NKTR: variants seen among roughly 807,000 people sequenced by gnomAD.
NKTR encodes natural killer cell triggering receptor, also known as NK-tumor recognition protein.
In NKTR, 67 loss-of-function variants were observed where a neutral mutation model predicts 156.3. That is an observed-to-expected ratio of 0.43 (90% CI 0.35 to 0.53). The LOEUF is 0.53. NKTR is among the 20% of genes least tolerant of loss of function. The pLI is 0.01. For missense variants in NKTR, 1,604 were observed against 1,730.9 expected (o/e 0.93, Z 1.30); for synonymous variants, 640 against 596.6 (o/e 1.07, Z -1.06).
At chr3:42,635,117 C>T (rs1709272215) in intron 11 of NKTR, 104 bp from the exon 12 acceptor site, 2 of 764,650 alleles carry the variant, frequency 2.6e-6, no homozygotes, top group Admixed American at 3.0e-5. Context: ...CAATCATTAC[C>T]TTTGATGGGA....
Position 42,645,878 on chromosome 3 carries a change from G to A in NKTR, c.4302-10G>A. The A allele has an allele frequency of 6.3e-7, 1 of 1,584,890 alleles. No homozygotes were observed. Among genetic ancestry groups the A allele is most frequent in the Non-Finnish European group, 8.6e-7 (1 of 1,160,090 alleles). ...ACAAGATTTTTATATATTTTGTTTT[G>A]TTATTACAGGAGTTGTAGATCTTAT... On this transcript the variant is annotated splice_polypyrimidine_tract_variant and intron_variant, in intron 16 of 16. Transcript: ENST00000232978.
In NKTR at chr3:42,637,841, G is replaced by T; in HGVS notation, c.2137G>T (p.Ala713Ser). The change falls in exon 13 of 17, where the codon GCT (alanine) becomes TCT (serine). Residue 713 changes from alanine (A) to serine (S), a missense_variant. Ala to Ser is a moderately conservative substitution (Grantham distance 99). Around this residue, in one of 6 missense-constraint regions of NKTR, gnomAD observed 1,255 missense variants for 1,243.7 expected, o/e 1.01. Coordinates refer to ENST00000232978, the MANE Select transcript of NKTR (RefSeq NM_005385.4). ...SRSYTRSRSL[A>S]SSHSRSRSPS... Reference sequence around the variant, plus strand: ...ATCATATACAAGATCACGTAGTCTAGCTAGTTCACATTCAAGGTCTAGGTC... The same window carrying T: ...ATCATATACAAGATCACGTAGTCTATCTAGTTCACATTCAAGGTCTAGGTC... The T allele has an allele frequency of 6.2e-7, 1 of 1,613,902 alleles. No homozygotes were observed. The highest frequency in any genetic ancestry group is 8.5e-7 in the Non-Finnish European group (1 of 1,179,870).
intron 2 of NKTR, among the ~76,000 whole-genome samples, chr3:42,608,310 G>C (rs1332906084): frequency 6.6e-6 from 1 of 152,052 alleles, no homozygotes; most frequent in African/African-American, 2.4e-5. Flanking sequence ...CTGTAAATTA[G>C]GGATTCCTAC....
intron 6 of NKTR, among the ~76,000 whole-genome samples, chr3:42,623,133 G>C (rs1407592896): frequency 1.3e-5 from 2 of 151,566 alleles, no homozygotes; most frequent in African/African-American, 2.4e-5. Flanking sequence ...ACTTGCTTCA[G>C]TGTTTTCTAG....
intron 15 of NKTR, 148 bp downstream of exon 15, chr3:42,643,543 G>A (rs1049704641): frequency 1.2e-5 from 8 of 682,730 alleles, no homozygotes; most frequent in South Asian, 3.7e-5. Context: ...AGGTCTGTTC[G>A]ACAAGTTTTA....
Position 42,643,889 on chromosome 3 carries a change from G to C in NKTR, c.4200-13G>C. The stretch of plus-strand genomic sequence containing the variant: ...GTGGGAAAATTTAGTGTTTGTTGTT[G>C]CCGTTAAAGCAGGTCCTACACCTAC... On this transcript the variant is annotated splice_polypyrimidine_tract_variant and intron_variant, in intron 15 of 16. Transcript: ENST00000232978. The C allele has an allele frequency of 1.3e-6, 2 of 1,594,854 alleles. No homozygotes were observed. Among genetic ancestry groups the C allele is most frequent in the South Asian group, 2.2e-5 (2 of 90,292 alleles).
intron 6 of NKTR, chr3:42,627,662 A>T: frequency 1.0e-6 from 1 of 984,440 alleles, no homozygotes; most frequent in Non-Finnish European, 1.2e-6. Context: ...GGGTCGGGAA[A>T]ACTGAAAAAT....
At chr3:42,606,493 C>T (rs1221117228) in intron 2 of NKTR, among the ~76,000 whole-genome samples, 1 of 151,800 alleles carries the variant, frequency 6.6e-6, no homozygotes, top group Non-Finnish European at 1.5e-5. Flanking sequence ...TGATTTTGGT[C>T]CCTTTTGTTC....
chr3:42,617,635 T>C lies in NKTR; in HGVS notation c.124T>C (p.Leu42=). ...CPKTCKNFLC[L]CSGEKGLGKT... ...AAAAACATGCAAAAACTTCCTTTGC[T>C]TGTGCTCAGGTAAGTGAATTATTAT... The change falls in exon 3 of 17, where the codon TTG becomes CTG. Residue 42 remains leucine (L), a synonymous_variant. Coordinates refer to ENST00000232978, the MANE Select transcript of NKTR (RefSeq NM_005385.4). The C allele has an allele frequency of 6.4e-7, 1 of 1,573,474 alleles. No individual in the cohort carries two copies. The highest frequency in any genetic ancestry group is 8.7e-7 in the Non-Finnish European group (1 of 1,143,244).
rs925608095 is a variant in NKTR, at chr3:42,638,918, A to C, written c.3214A>C (p.Thr1072Pro). 2 of 1,612,832 alleles carry C rather than the reference A, an allele frequency of 1.2e-6. No individual in the cohort carries two copies. The highest frequency in any genetic ancestry group is 1.7e-6 in the Non-Finnish European group (2 of 1,178,868). The change falls in exon 13 of 17, where the codon ACA becomes CCA. Residue 1072 changes from threonine (T) to proline (P), a missense_variant. Thr to Pro is a conservative substitution (Grantham distance 38). Around this residue, in one of 6 missense-constraint regions of NKTR, gnomAD observed 1,255 missense variants for 1,243.7 expected, o/e 1.01. Transcript: ENST00000232978. ...AGAGGACCTTTCAGGTAAACATGATACAGTGACTGTTTCATCAGATCTTGA... is the reference window on the plus strand; with the variant it reads ...AGAGGACCTTTCAGGTAAACATGATCCAGTGACTGTTTCATCAGATCTTGA... ...SEEDLSGKHD[T>P]VTVSSDLDQF...
intron 2 of NKTR, among the ~76,000 whole-genome samples, chr3:42,605,242 TA>T (rs1246535181): frequency 2.0e-5 from 3 of 152,232 alleles, no homozygotes; most frequent in Non-Finnish European, 4.4e-5. Flanking sequence ...TTCTGTATAA[TA>T]TTTAAAGTGG....
At chr3:42,606,885 GA>G (rs1259551108) in intron 2 of NKTR, among the ~76,000 whole-genome samples, 10 of 151,738 alleles carry the variant, frequency 6.6e-5, no homozygotes, top group Non-Finnish European at 1.5e-4. Context: ...TTTAGAGACA[GA>G]GTATCACTGC....
At chr3:42,603,725 T>G (rs1406510777) in intron 2 of NKTR, among the ~76,000 whole-genome samples, 2 of 150,092 alleles carry the variant, frequency 1.3e-5, no homozygotes, top group Non-Finnish European at 2.9e-5. Context: ...TAGTGGATTT[T>G]ACACAACTTT....
intron 2 of NKTR, among the ~76,000 whole-genome samples, chr3:42,607,969 CTTTTTTTTTTTTTTTTTTTTT>C (rs201803926): frequency 9.7e-4 from 73 of 74,898 alleles, no homozygotes; most frequent in African/African-American, 1.6e-3. Flanking sequence ...CTGAGTCGCT[CTTTTTTTTTTTTTTTTTTTTT>C]TTTTTTTTTT....
At position 42,637,001 on chromosome 3, in the gene NKTR, GAAAA is replaced by G. The variant is rs867098093; in HGVS notation, c.1301_1304del (p.Lys434ArgfsTer31). On this transcript the variant is annotated frameshift_variant, in exon 13 of 17. Coordinates refer to ENST00000232978, the MANE Select transcript of NKTR (RefSeq NM_005385.4). LOFTEE classifies it high-confidence loss of function. ...TGGCCACCATAAAAAACGCAGAAAA[GAAAA>G]AAAGGTTAAGCATAAAAAGAAAGGG... is the stretch of plus-strand genomic sequence containing the variant. 6.2e-7 allele frequency: 1 copy of G among 1,611,324 alleles called. No individual in the cohort carries two copies. Among genetic ancestry groups the G allele is most frequent in the Non-Finnish European group, 8.5e-7 (1 of 1,179,376 alleles).
At chr3:42,633,475 T>G in intron 9 of NKTR, 105 bp from the exon 10 acceptor site, 9 of 1,478,756 alleles carry the variant, frequency 6.1e-6, no homozygotes, top group Non-Finnish European at 7.2e-6. Flanking sequence ...GTGAGACTTG[T>G]AAGCTATCGT....
At chr3:42,624,599 A>G (rs1708206851) in intron 6 of NKTR, among the ~76,000 whole-genome samples, 1 of 152,110 alleles carries the variant, frequency 6.6e-6, no homozygotes, top group African/African-American at 2.4e-5. Flanking sequence ...GGTTATAGAA[A>G]TTTTATTTAC....
chr3:42,629,629 CTT>C, intron 6 of NKTR: 1 of 977,822 alleles, frequency 1.0e-6, no homozygotes, highest in Non-Finnish European at 1.2e-6. Flanking sequence ...TTTTCTAGCT[CTT>C]AAATATCTGT....
intron 6 of NKTR, chr3:42,627,250 C>T: frequency 1.0e-6 from 1 of 980,076 alleles, no homozygotes; most frequent in Non-Finnish European, 1.2e-6. Context: ...TACTCTAAGG[C>T]TCTCTCTCTC....
Sources: allele counts gnomAD v4.1 joint callset (sites outside exome capture counted in the v4.1 genomes callset), GRCh38; gene constraint gnomAD v4.1.1; regional missense constraint gnomAD v4.1.1; transcripts MANE v1.5; gene names NCBI Gene and HGNC (gene_info 2026-07-23, HGNC 2026-07-21).